SPRED1: variants seen among roughly 807,000 people sequenced by gnomAD.
SPRED1 encodes sprouty-related, EVH1 domain-containing protein 1.
A neutral mutation model predicts 52.3 loss-of-function variants in SPRED1; 18 were observed. That is an observed-to-expected ratio of 0.34 (90% CI 0.24 to 0.51). SPRED1 has a LOEUF of 0.51. Ranked by LOEUF, SPRED1 falls within the 20% of genes least tolerant of loss-of-function variation. SPRED1 has a pLI of 0.97. For missense variants in SPRED1, 485 were observed against 551.0 expected (o/e 0.88, Z 1.20); for synonymous variants, 155 against 179.7 (o/e 0.86, Z 1.10).
chr15:38,341,655 T>C (rs187255877), intron 5 of SPRED1, among the ~76,000 whole-genome samples: 2 of 152,252 alleles, frequency 1.3e-5, no homozygotes, highest in East Asian at 3.9e-4. Flanking sequence ...GGTTGTTTCA[T>C]TTCTAAATAT....
chr15:38,336,838 C>T (rs1895934428), intron 4 of SPRED1, among the ~76,000 whole-genome samples: 1 of 152,028 alleles, frequency 6.6e-6, no homozygotes, highest in Non-Finnish European at 1.5e-5. Context: ...GTACAGTGTA[C>T]ACTGTTTGGG....
At chr15:38,254,245 C>G (rs994068443) in intron 1 of SPRED1, among the ~76,000 whole-genome samples, 1 of 152,162 alleles carries the variant, frequency 6.6e-6, no homozygotes, top group Non-Finnish European at 1.5e-5. Context: ...CCTTTAAATA[C>G]AGTGCATTAC....
intron 5 of SPRED1, among the ~76,000 whole-genome samples, chr15:38,348,416 CTGTGTGTGTGTGTG>C (rs3075338): frequency 6.7e-5 from 10 of 148,654 alleles, no homozygotes; most frequent in Middle Eastern, 3.5e-3. Flanking sequence ...TTTTAAAGAT[CTGTGTGTGTGTGTG>C]TGTGTGTGTC....
At chr15:38,270,533 C>T (rs185264518) in intron 1 of SPRED1, among the ~76,000 whole-genome samples, 4 of 152,114 alleles carry the variant, frequency 2.6e-5, no homozygotes, top group African/African-American at 9.7e-5. Flanking sequence ...AGGAAACTTA[C>T]AATCATGGTG....
intron 1 of SPRED1, among the ~76,000 whole-genome samples, chr15:38,296,156 C>G (rs1895033757): frequency 6.6e-6 from 1 of 152,054 alleles, no homozygotes; most frequent in South Asian, 2.1e-4. Flanking sequence ...CTTGAGCCTT[C>G]TACTTGTCTA....
chr15:38,304,648 C>G (rs770238098), intron 2 of SPRED1, among the ~76,000 whole-genome samples: 2 of 152,176 alleles, frequency 1.3e-5, no homozygotes, highest in Non-Finnish European at 2.9e-5. Flanking sequence ...TGAGCCTCAT[C>G]ATCATTCTTG....
At chr15:38,322,193 ATGCATT>A (rs1566867172) in intron 2 of SPRED1, 42 bp from the exon 3 acceptor site, 1 of 1,553,898 alleles carries the variant, frequency 6.4e-7, no homozygotes, top group South Asian at 1.1e-5. Flanking sequence ...GCTACATTAG[ATGCATT>A]TGATATATGT....
In SPRED1 at chr15:38,302,648, G is replaced by A. The variant is rs554889935; in HGVS notation, c.207+3101G>A. 3.9e-5 allele frequency among the ~76,000 whole-genome samples: 6 copies of A among 152,208 alleles called. No homozygotes were observed. The South Asian group carries it at 1.2e-3, about 32-fold the overall frequency. On this transcript the variant is annotated intron_variant, in intron 2 of 6. Transcript: ENST00000299084. ...AACCTGTGTGCCATGAGTGTCTGGGGCCTCCAGACTGGTTGCCTTATGTTA... is the reference window on the plus strand; with the variant it reads ...AACCTGTGTGCCATGAGTGTCTGGGACCTCCAGACTGGTTGCCTTATGTTA...
chr15:38,257,719 G>C (rs1057450861), intron 1 of SPRED1, among the ~76,000 whole-genome samples: 103 of 152,154 alleles, frequency 6.8e-4, no homozygotes, highest in African/African-American at 2.4e-3. Flanking sequence ...CTGTTTATCA[G>C]TTTTAAGTCT....
chr15:38,256,788 A>G (rs1353348332), intron 1 of SPRED1, among the ~76,000 whole-genome samples: 2 of 151,670 alleles, frequency 1.3e-5, no homozygotes, highest in African/African-American at 4.9e-5. Context: ...CACCCCATAC[A>G]TTTTACGTAT....
chr15:38,283,587 T>C (rs1894740656), intron 1 of SPRED1: 1 of 728,822 alleles, frequency 1.4e-6, no homozygotes, highest in African/African-American at 1.9e-5. Context: ...ATGAAAAATA[T>C]AATTGATGGA....
intron 1 of SPRED1, among the ~76,000 whole-genome samples, chr15:38,293,028 T>TA: frequency 6.6e-6 from 1 of 151,480 alleles, no homozygotes. Context: ...CTGTGATAAA[T>TA]ATTATTATTT....
At chr15:38,262,848 A>G (rs577424284) in intron 1 of SPRED1, among the ~76,000 whole-genome samples, 2 of 152,364 alleles carry the variant, frequency 1.3e-5, no homozygotes, top group East Asian at 3.9e-4. Context: ...TCTTTGAGCT[A>G]CCTTCCCTCC....
intron 6 of SPRED1, among the ~76,000 whole-genome samples, chr15:38,350,629 C>T (rs1412282914): frequency 3.3e-5 from 5 of 152,218 alleles, no homozygotes; most frequent in Middle Eastern, 3.4e-3. Context: ...ATCTAAATAA[C>T]GTCTTTCAAT....
intron 4 of SPRED1, among the ~76,000 whole-genome samples, chr15:38,338,886 A>C (rs1392114350): frequency 6.6e-6 from 1 of 152,104 alleles, no homozygotes; most frequent in Non-Finnish European, 1.5e-5. Flanking sequence ...ATCTTTTAAA[A>C]AGAAAAGCTT....
At chr15:38,277,224 A>G (rs192472033) in intron 1 of SPRED1, among the ~76,000 whole-genome samples, 1 of 152,252 alleles carries the variant, frequency 6.6e-6, no homozygotes, top group Admixed American at 6.5e-5. Flanking sequence ...TTCGTCACTG[A>G]GGTAATAAGC....
chr15:38,297,188 A>G (rs939527014), intron 1 of SPRED1, among the ~76,000 whole-genome samples: 7 of 152,256 alleles, frequency 4.6e-5, no homozygotes, highest in African/African-American at 1.7e-4. Context: ...CAAAATGTAC[A>G]GAGACAGTAG....
At chr15:38,296,968 C>A (rs923930020) in intron 1 of SPRED1, among the ~76,000 whole-genome samples, 2 of 152,092 alleles carry the variant, frequency 1.3e-5, no homozygotes, top group East Asian at 1.9e-4. Context: ...CCACCTTCTG[C>A]CATGTAAGGA....
intron 1 of SPRED1, among the ~76,000 whole-genome samples, chr15:38,288,541 A>G (rs1894855192): frequency 6.6e-6 from 1 of 152,178 alleles, no homozygotes. Context: ...TTGTTAGCTG[A>G]TGGCTTAGAA....
Sources: gnomAD v4.1 joint callset for allele counts (sites outside exome capture counted in the v4.1 genomes callset) on GRCh38, gnomAD v4.1.1 for gene constraint, MANE v1.5 for transcripts, NCBI Gene and HGNC (gene_info 2026-07-23, HGNC 2026-07-21) for gene names.